The following COL13A1 variants were observed in gnomAD, a reference collection of about 807,000 sequenced individuals.
COL13A1 encodes collagen type XIII alpha 1 chain.
COL13A1 carries 89 observed loss-of-function variants against 130.9 expected under a neutral mutation model. That is an observed-to-expected ratio of 0.68 (90% CI 0.57 to 0.81). COL13A1 has a LOEUF of 0.81. Ranked by LOEUF, COL13A1 falls within the 30% of genes least tolerant of loss-of-function variation. The probability of loss-of-function intolerance (pLI) is 0.00; values close to 1 mark genes in which losing one functional copy is unlikely to be tolerated. For missense variants in COL13A1, 879 were observed against 934.6 expected (o/e 0.94, Z 0.78); for synonymous variants, 402 against 341.6 (o/e 1.18, Z -1.95).
chr10:69,855,544 A>G (rs954210750), intron 2 of COL13A1, among the ~76,000 whole-genome samples: 1 of 152,238 alleles, frequency 6.6e-6, no homozygotes, highest in Non-Finnish European at 1.5e-5. Context: ...GCTAATTACT[A>G]ATTGCTGTAT....
At chr10:69,828,075 C>T (rs990656601) in intron 2 of COL13A1, among the ~76,000 whole-genome samples, 2 of 152,168 alleles carry the variant, frequency 1.3e-5, no homozygotes, top group African/African-American at 4.8e-5. Flanking sequence ...CAGGTAGCTC[C>T]AAAACCCTGC....
intron 7 of COL13A1, among the ~76,000 whole-genome samples, chr10:69,884,047 G>A (rs965783406): frequency 3.9e-5 from 6 of 152,232 alleles, no homozygotes; most frequent in Admixed American, 1.3e-4. Flanking sequence ...TCTGACTTGA[G>A]TAACACAGTA....
chr10:69,811,062 G>A (rs1842912579), intron 1 of COL13A1, among the ~76,000 whole-genome samples: 1 of 152,208 alleles, frequency 6.6e-6, no homozygotes, highest in South Asian at 2.1e-4. Context: ...CATGGCTGGG[G>A]CCCACGTAGG....
intron 17 of COL13A1, among the ~76,000 whole-genome samples, chr10:69,915,251 T>A (rs1424165148): frequency 6.6e-6 from 1 of 152,222 alleles, no homozygotes; most frequent in African/African-American, 2.4e-5. Flanking sequence ...TGCAGACACA[T>A]GGCAGCTGCA....
At chr10:69,832,361 C>A (rs1311498033) in intron 2 of COL13A1, among the ~76,000 whole-genome samples, 6 of 152,196 alleles carry the variant, frequency 3.9e-5, no homozygotes, top group Admixed American at 1.3e-4. Flanking sequence ...GTCTAGCTCT[C>A]CAGCACAGCA....
rs115094601 is a variant in COL13A1 at position 69,837,030 on chromosome 10, G to A, written c.364+14592G>A. 7.5e-3 allele frequency among the ~76,000 whole-genome samples: 1,143 copies of A among 152,182 alleles called. 10 individuals are homozygous for A. Among genetic ancestry groups the A allele is most frequent in the African/African-American group, 0.026 (1,061 of 41,516 alleles). ...CTGGGCAGCTGTGCCGTGTGTTCCC[G>A]AGACCTGCCTGTTTGTGGTCATGGA... On this transcript the variant is annotated intron_variant, in intron 2 of 40. Transcript: ENST00000645393.
intron 4 of COL13A1, among the ~76,000 whole-genome samples, chr10:69,874,688 G>A (rs545628392): frequency 3.7e-4 from 57 of 152,302 alleles, no homozygotes; most frequent in African/African-American, 1.2e-3. Context: ...GAGACAGACC[G>A]AGGAAAGTGA....
chr10:69,836,264 C>G (rs533045470), intron 2 of COL13A1, among the ~76,000 whole-genome samples: 15 of 152,312 alleles, frequency 9.8e-5, no homozygotes, highest in Non-Finnish European at 1.8e-4. Context: ...CTAGGCGGTG[C>G]CCAGTGTGGG....
intron 9 of COL13A1, among the ~76,000 whole-genome samples, chr10:69,889,142 C>T (rs757420953): frequency 7.9e-5 from 12 of 152,208 alleles, no homozygotes; most frequent in Non-Finnish European, 1.3e-4. Context: ...ATGGCATGAG[C>T]GTTGGGGTCT....
chr10:69,924,565 T>C (rs957223513), intron 24 of COL13A1, among the ~76,000 whole-genome samples: 2 of 151,760 alleles, frequency 1.3e-5, no homozygotes, highest in Non-Finnish European at 2.9e-5. Context: ...GGGCTCTCGA[T>C]GGCAACTGAC....
At chr10:69,897,565 T>C in intron 13 of COL13A1, 1 of 1,607,774 alleles carries the variant, frequency 6.2e-7, no homozygotes, top group Non-Finnish European at 8.5e-7. Context: ...CGGGCCCCTC[T>C]CCACTGAGAG....
chr10:69,840,264 G>A (rs1010614851), intron 2 of COL13A1, among the ~76,000 whole-genome samples: 3 of 152,200 alleles, frequency 2.0e-5, no homozygotes, highest in Non-Finnish European at 2.9e-5. Context: ...GTTTCCTGGA[G>A]AGATGGGGAC....
intron 2 of COL13A1, among the ~76,000 whole-genome samples, chr10:69,823,736 C>T (rs1012994645): frequency 3.3e-5 from 5 of 152,164 alleles, no homozygotes; most frequent in Admixed American, 1.3e-4. Context: ...CAGCTGGACC[C>T]GGTGAGAAGA....
intron 30 of COL13A1, among the ~76,000 whole-genome samples, chr10:69,931,448 G>A (rs2066110623): frequency 6.6e-6 from 1 of 152,166 alleles, no homozygotes; most frequent in African/African-American, 2.4e-5. Flanking sequence ...GTGTAAACAG[G>A]AGTTGCATCT....
intron 3 of COL13A1, among the ~76,000 whole-genome samples, chr10:69,868,388 A>G (rs1009222402): frequency 6.6e-6 from 1 of 152,142 alleles, no homozygotes; most frequent in Non-Finnish European, 1.5e-5. Flanking sequence ...TATAGGCATC[A>G]TGCCGCACTC....
chr10:69,813,633 C>T (rs1300521846), intron 1 of COL13A1, among the ~76,000 whole-genome samples: 1 of 152,158 alleles, frequency 6.6e-6, no homozygotes, highest in Non-Finnish European at 1.5e-5. Flanking sequence ...ACCCCCGTGG[C>T]ACCCCCTCCC....
intron 33 of COL13A1, 78 bp downstream of exon 33, chr10:69,936,860 CT>C: frequency 6.3e-7 from 1 of 1,580,038 alleles, no homozygotes; most frequent in Non-Finnish European, 8.7e-7. Context: ...CCAGCTGACC[CT>C]TTTTCCTAGA....
chr10:69,829,061 G>A (rs1428328500), intron 2 of COL13A1, among the ~76,000 whole-genome samples: 1 of 152,102 alleles, frequency 6.6e-6, no homozygotes, highest in African/African-American at 2.4e-5. Context: ...ATGAAAGCCA[G>A]CACCTTCCCC....
At chr10:69,857,221 G>A (rs1324544215) in intron 2 of COL13A1, among the ~76,000 whole-genome samples, 1 of 152,212 alleles carries the variant, frequency 6.6e-6, no homozygotes, top group Non-Finnish European at 1.5e-5. Flanking sequence ...GGGGCCCACG[G>A]AAGTAAGAAA....
Sources: allele counts gnomAD v4.1 joint callset (sites outside exome capture counted in the v4.1 genomes callset), GRCh38; gene constraint gnomAD v4.1.1; transcripts MANE v1.5; gene names NCBI Gene and HGNC (gene_info 2026-07-23, HGNC 2026-07-21).